IKZF3: variants seen among roughly 807,000 people sequenced by gnomAD.
IKZF3 encodes zinc finger protein Aiolos.
IKZF3 carries 10 observed loss-of-function variants against 49.0 expected under a neutral mutation model. The observed-to-expected ratio is 0.20, with a 90% confidence interval of 0.13 to 0.35. The LOEUF (loss-of-function observed/expected upper bound fraction) is 0.35, where lower values mean the gene tolerates loss of function less well. IKZF3 is among the 10% of genes least tolerant of loss of function. IKZF3 has a pLI of 1.00. For missense variants in IKZF3, 498 were observed against 664.8 expected (o/e 0.75, Z 2.76); for synonymous variants, 209 against 228.2 (o/e 0.92, Z 0.76).
Position 39,765,950 on chromosome 17 carries a change from C to G in IKZF3, c.1370G>C (p.Cys457Ser). 1 of 1,614,238 alleles carries G rather than the reference C, an allele frequency of 6.2e-7. No individual in the cohort carries two copies. ...CACATAGTCCAGGAAGAGGACGCGG[C>G]AGTGGTCACACCGATACACATCCAT... is the stretch of plus-strand genomic sequence containing the variant. Reference protein sequence around the residue: ...EVMDVYRCDHCRVLFLDYVMF... With the variant: ...EVMDVYRCDHSRVLFLDYVMF... Residue 457 changes from cysteine (C) to serine (S), a missense_variant, in exon 8 of 8, where the codon TGC becomes TCC. Cys to Ser is a moderately radical substitution (Grantham distance 112). Around this residue, in one of 3 missense-constraint regions of IKZF3, gnomAD observed 317 missense variants for 397.3 expected, o/e 0.80. Coordinates refer to ENST00000346872, the MANE Select transcript of IKZF3 (RefSeq NM_012481.5).
chr17:39,857,547 G>T (rs962614389), intron 1 of IKZF3, among the ~76,000 whole-genome samples: 3 of 152,130 alleles, frequency 2.0e-5, no homozygotes, highest in Admixed American at 1.3e-4. Context: ...TGTATTTTGT[G>T]GGGGGCATGG....
At chr17:39,773,826 A>G (rs2060504483) in intron 7 of IKZF3, among the ~76,000 whole-genome samples, 1 of 152,172 alleles carries the variant, frequency 6.6e-6, no homozygotes, top group Non-Finnish European at 1.5e-5. Flanking sequence ...GATTCAGAGA[A>G]AGGAAATCCC....
intron 1 of IKZF3, among the ~76,000 whole-genome samples, chr17:39,840,429 T>A (rs1001461823): frequency 3.9e-5 from 6 of 152,336 alleles, no homozygotes; most frequent in African/African-American, 1.4e-4. Flanking sequence ...ATAATTTTTT[T>A]AATATTTTGT....
At chr17:39,836,312 G>A (rs1041218382) in intron 1 of IKZF3, among the ~76,000 whole-genome samples, 1 of 152,166 alleles carries the variant, frequency 6.6e-6, no homozygotes, top group South Asian at 2.1e-4. Flanking sequence ...GGAGAAGCTC[G>A]AGGAACTGAC....
At chr17:39,835,508 G>A in intron 1 of IKZF3, 1 of 434,370 alleles carries the variant, frequency 2.3e-6, no homozygotes, top group Non-Finnish European at 4.5e-6. Context: ...GTACAACGCA[G>A]GTCATCCTGT....
At chr17:39,831,287 T>C (rs1023846560) in intron 2 of IKZF3, among the ~76,000 whole-genome samples, 3 of 151,744 alleles carry the variant, frequency 2.0e-5, no homozygotes, top group African/African-American at 7.3e-5. Flanking sequence ...GGCAGGAGAA[T>C]GGCTTGAACC....
intron 1 of IKZF3, among the ~76,000 whole-genome samples, chr17:39,850,481 T>A (rs2062792065): frequency 1.6e-5 from 2 of 127,564 alleles, no homozygotes; most frequent in East Asian, 4.2e-4. Flanking sequence ...ACATATAATA[T>A]ATAGCATATT....
chr17:39,775,714 C>T (rs941778096), intron 7 of IKZF3, among the ~76,000 whole-genome samples: 74 of 152,086 alleles, frequency 4.9e-4, no homozygotes, highest in African/African-American at 1.6e-3. Flanking sequence ...CACCTGAGGT[C>T]GGGAGTTCAA....
intron 7 of IKZF3, among the ~76,000 whole-genome samples, chr17:39,767,179 CGT>C (rs931503462): frequency 4.6e-5 from 7 of 152,094 alleles, no homozygotes; most frequent in Non-Finnish European, 7.4e-5. Context: ...CCTTTCCTAA[CGT>C]GTGTTTCTCT....
At chr17:39,825,974 C>T (rs780953708) in intron 3 of IKZF3, among the ~76,000 whole-genome samples, 3 of 152,162 alleles carry the variant, frequency 2.0e-5, no homozygotes, top group Non-Finnish European at 2.9e-5. Flanking sequence ...CTGCTGGATT[C>T]TATCATCACT....
At chr17:39,805,556 A>G (rs2061414890) in intron 3 of IKZF3, among the ~76,000 whole-genome samples, 1 of 152,230 alleles carries the variant, frequency 6.6e-6, no homozygotes, top group Non-Finnish European at 1.5e-5. Context: ...TTAGACTTTT[A>G]CCCATCTCTG....
At chr17:39,791,222 C>T (rs1354461872) in intron 5 of IKZF3, among the ~76,000 whole-genome samples, 194 bp downstream of exon 5, 1 of 152,104 alleles carries the variant, frequency 6.6e-6, no homozygotes, top group Admixed American at 6.5e-5. Context: ...AGGAGATGAT[C>T]ATCTCCACTG....
At chr17:39,782,947 A>T (rs981881998) in intron 6 of IKZF3, among the ~76,000 whole-genome samples, 2 of 152,246 alleles carry the variant, frequency 1.3e-5, no homozygotes, top group Non-Finnish European at 2.9e-5. Flanking sequence ...TCACATTTAC[A>T]GATTAGGTTA....
intron 1 of IKZF3, among the ~76,000 whole-genome samples, chr17:39,845,371 A>G (rs1204267234): frequency 6.6e-6 from 1 of 151,374 alleles, no homozygotes; most frequent in African/African-American, 2.4e-5. Flanking sequence ...AAATACAAAA[A>G]AAAATTAGCC....
At chr17:39,800,384 A>C (rs1290266155) in intron 3 of IKZF3, among the ~76,000 whole-genome samples, 1 of 152,134 alleles carries the variant, frequency 6.6e-6, no homozygotes, top group Non-Finnish European at 1.5e-5. Flanking sequence ...CTTTTTGTAC[A>C]TATGATCTAT....
At position 39,784,319 on chromosome 17, in the gene IKZF3, CT is replaced by C. The variant is rs1306041909; in HGVS notation, c.709+3938del. On this transcript the variant is annotated intron_variant, in intron 6 of 7. Transcript: ENST00000346872. ...GTATTTTTCCTTCTTTTCATATATA[CT>C]CCATTAAGACAGAATTGGAATATTC... is the stretch of plus-strand genomic sequence containing the variant. Among the ~76,000 whole-genome samples the C allele has an allele frequency of 2.0e-5, 3 of 152,048 alleles. No homozygotes were observed. The East Asian group carries it at 5.8e-4, about 29-fold the overall frequency.
At chr17:39,780,919 C>A (rs1351602944) in intron 6 of IKZF3, among the ~76,000 whole-genome samples, 2 of 152,178 alleles carry the variant, frequency 1.3e-5, no homozygotes, top group Non-Finnish European at 2.9e-5. Flanking sequence ...AGTTTCTTGT[C>A]AAAAATAATT....
At chr17:39,793,396 A>G (rs749230844) in intron 3 of IKZF3, among the ~76,000 whole-genome samples, 12 of 152,214 alleles carry the variant, frequency 7.9e-5, no homozygotes, top group Non-Finnish European at 1.8e-4. Context: ...CATTAAGATT[A>G]AGAGTTGACT....
intron 3 of IKZF3, among the ~76,000 whole-genome samples, chr17:39,808,113 G>C (rs1188856417): frequency 6.6e-6 from 1 of 152,148 alleles, no homozygotes; most frequent in Non-Finnish European, 1.5e-5. Flanking sequence ...TACTGACTCT[G>C]TCTCAAAATG....
Sources: gnomAD v4.1 joint callset for allele counts (sites outside exome capture counted in the v4.1 genomes callset) on GRCh38, gnomAD v4.1.1 for gene constraint, gnomAD v4.1.1 regional missense constraint, MANE v1.5 for transcripts, NCBI Gene and HGNC (gene_info 2026-07-23, HGNC 2026-07-21) for gene names.